DIAPH2: variants seen among roughly 807,000 people sequenced by gnomAD.
DIAPH2 encodes the protein diaphanous related formin 2.
Under a neutral mutation model 92.7 loss-of-function variants are expected in DIAPH2, and 35 were observed. The ratio of observed to expected loss-of-function variants is 0.38; its 90% confidence interval spans 0.29 to 0.50. The LOEUF is 0.50. DIAPH2 is among the 20% of genes least tolerant of loss of function. The probability of loss-of-function intolerance (pLI) is 0.94; values close to 1 mark genes in which losing one functional copy is unlikely to be tolerated. For synonymous variants in DIAPH2, 301 were observed against 280.4 expected (o/e 1.07, Z -0.73); for missense variants, 701 against 819.5 (o/e 0.86, Z 1.77).
intron 26 of DIAPH2, among the ~76,000 whole-genome samples, chrX:97,532,796 C>T (rs1022101332): frequency 2.9e-5 from 3 of 101,778 alleles, no homozygotes; most frequent in Non-Finnish European, 6.0e-5. Context: ...GATATTAGTT[C>T]CTCCTCGTCA....
intron 26 of DIAPH2, among the ~76,000 whole-genome samples, chrX:97,490,447 G>A (rs2070718122): frequency 9.2e-6 from 1 of 108,330 alleles, no homozygotes; most frequent in Non-Finnish European, 1.9e-5. Flanking sequence ...GCTAATGTTG[G>A]GCTTCTCCTA....
intron 23 of DIAPH2, among the ~76,000 whole-genome samples, chrX:97,284,695 A>G (rs182264696): frequency 2.6e-4 from 29 of 110,856 alleles, no homozygotes; most frequent in Non-Finnish European, 5.3e-4. Context: ...GGCAAACTAT[A>G]TGCATCAGGC....
At chrX:97,519,361 C>T (rs2070974420) in intron 26 of DIAPH2, among the ~76,000 whole-genome samples, 2 of 111,826 alleles carry the variant, frequency 1.8e-5, no homozygotes, top group Non-Finnish European at 3.8e-5. Flanking sequence ...AAAAAATTCA[C>T]ATTTATGGGT....
At chrX:97,279,327 G>C (rs1242147406) in intron 23 of DIAPH2, among the ~76,000 whole-genome samples, 1 of 57,582 alleles carries the variant, frequency 1.7e-5, no homozygotes, top group Non-Finnish European at 3.2e-5. Context: ...TTTTTTTTTT[G>C]AGTCTTGCTC....
intron 22 of DIAPH2, among the ~76,000 whole-genome samples, chrX:97,231,742 T>C (rs7059548): frequency 9.0e-6 from 1 of 110,810 alleles, no homozygotes; most frequent in Non-Finnish European, 1.9e-5. Flanking sequence ...CTCAGAGAGA[T>C]AAAATATTGC....
chrX:96,949,822 T>C (rs1167900711), intron 15 of DIAPH2, among the ~76,000 whole-genome samples: 2 of 103,655 alleles, frequency 1.9e-5, no homozygotes, highest in Admixed American at 2.1e-4. Flanking sequence ...ATCCCGCCAC[T>C]GCACTCCAGC....
At chrX:96,812,330 G>A (rs775614209) in intron 4 of DIAPH2, among the ~76,000 whole-genome samples, 2 of 112,007 alleles carry the variant, frequency 1.8e-5, no homozygotes, top group Non-Finnish European at 3.8e-5. Flanking sequence ...AGTATTCTCT[G>A]ATTATAGTTT....
At chrX:97,421,225 C>T (rs893290654) in intron 25 of DIAPH2, among the ~76,000 whole-genome samples, 2 of 111,970 alleles carry the variant, frequency 1.8e-5, no homozygotes, top group Non-Finnish European at 3.8e-5. Flanking sequence ...TCTTGCAGAA[C>T]GATGTGTTAT....
At chrX:97,095,098 C>CTTTTTT (rs61350837) in intron 19 of DIAPH2, among the ~76,000 whole-genome samples, 259 of 22,403 alleles carry the variant, frequency 0.012, 62 homozygotes, top group Non-Finnish European at 0.018. Flanking sequence ...GTTTCTTTTT[C>CTTTTTT]TTTTTTTTTT....
intron 17 of DIAPH2, among the ~76,000 whole-genome samples, chrX:97,013,048 C>T (rs1171170324): frequency 8.9e-6 from 1 of 112,181 alleles, no homozygotes; most frequent in Non-Finnish European, 1.9e-5. Flanking sequence ...CTCTCCCTTG[C>T]TGTTGCTCTT....
intron 17 of DIAPH2, among the ~76,000 whole-genome samples, chrX:97,025,940 A>G (rs1326335888): frequency 1.8e-5 from 2 of 111,886 alleles, no homozygotes; most frequent in Non-Finnish European, 3.8e-5. Flanking sequence ...AGGATCCAGT[A>G]GAGACTTAGG....
At chrX:97,337,121 CTTTCT>C (rs1329121495) in intron 23 of DIAPH2, among the ~76,000 whole-genome samples, 1 of 105,946 alleles carries the variant, frequency 9.4e-6, no homozygotes, top group Admixed American at 1.0e-4. Context: ...GATTTTCTTT[CTTTCT>C]TTTCTTTTTT....
chrX:97,336,402 C>A (rs1013575874), intron 23 of DIAPH2, among the ~76,000 whole-genome samples: 4 of 107,829 alleles, frequency 3.7e-5, no homozygotes, highest in African/African-American at 1.4e-4. Flanking sequence ...CCCGCCACCA[C>A]GCCCGGCTAA....
intron 26 of DIAPH2, among the ~76,000 whole-genome samples, chrX:97,546,131 C>A (rs1481278475): frequency 9.0e-6 from 1 of 110,852 alleles, no homozygotes; most frequent in Non-Finnish European, 1.9e-5. Flanking sequence ...AGGTTTAAAT[C>A]GTGTTTTTCT....
intron 5 of DIAPH2, among the ~76,000 whole-genome samples, chrX:96,909,758 AT>A (rs1056551992): frequency 8.1e-5 from 9 of 110,664 alleles, no homozygotes; most frequent in African/African-American, 3.0e-4. Context: ...ATTGTATCTT[AT>A]TTTTTTTAAG....
intron 22 of DIAPH2, among the ~76,000 whole-genome samples, chrX:97,174,743 A>G (rs1009360654): frequency 8.9e-6 from 1 of 111,921 alleles, no homozygotes; most frequent in African/African-American, 3.2e-5. Context: ...CTGCATATAC[A>G]TTATTCCATT....
chrX:97,336,343 C>T (rs1002254611), intron 23 of DIAPH2, among the ~76,000 whole-genome samples: 31 of 104,896 alleles, frequency 3.0e-4, no homozygotes, highest in Non-Finnish European at 6.0e-4. Flanking sequence ...CTCCCGGGTT[C>T]ACGCCGGTTC....
Position 97,599,554 on chromosome X carries a change from G to T in DIAPH2, c.*237G>T, listed in dbSNP as rs2147890772. ...ATGTGTTCCATTTTAGTGTAAAGAT[G>T]TGTATCATTTGTAATTGTGTGTGAC... On this transcript the variant is annotated 3_prime_UTR_variant, in exon 27 of 27. Coordinates refer to ENST00000324765, the MANE Select transcript of DIAPH2 (RefSeq NM_006729.5). The T allele has an allele frequency of 4.8e-6, 1 of 206,268 alleles. No homozygotes were observed. The highest frequency in any genetic ancestry group is 1.2e-4 in the East Asian group (1 of 8,219). 17.0% of individuals were successfully genotyped at this position (206,268 alleles called of 1,213,427 possible).
chrX:96,727,875 A>T (rs950281156), intron 1 of DIAPH2, among the ~76,000 whole-genome samples: 1 of 108,691 alleles, frequency 9.2e-6, no homozygotes, highest in African/African-American at 3.4e-5. Flanking sequence ...ATGAAACCTG[A>T]TCTCTACTAA....
Sources: allele counts gnomAD v4.1 joint callset (sites outside exome capture counted in the v4.1 genomes callset), GRCh38; gene constraint gnomAD v4.1.1; transcripts MANE v1.5; gene names NCBI Gene and HGNC (gene_info 2026-07-23, HGNC 2026-07-21).